The following GFPT2 variants were observed in gnomAD, a reference collection of about 807,000 sequenced individuals.
GFPT2 encodes glutamine--fructose-6-phosphate aminotransferase [isomerizing] 2.
A neutral mutation model predicts 85.6 loss-of-function variants in GFPT2; 62 were observed. That is an observed-to-expected ratio of 0.72 (90% CI 0.59 to 0.90). GFPT2 has a LOEUF of 0.90. Ranked by LOEUF, GFPT2 falls within the 40% of genes least tolerant of loss-of-function variation. The pLI is 0.00. For missense variants in GFPT2, 788 were observed against 893.4 expected, an observed-to-expected ratio of 0.88 and a Z score of 1.50; for synonymous variants, 368 against 344.5, an observed-to-expected ratio of 1.07 and a Z score of -0.75.
In GFPT2 at chr5:180,302,457, A is replaced by G; in HGVS notation, c.1970T>C (p.Leu657Pro). 2 of 1,614,116 alleles carry G rather than the reference A, an allele frequency of 1.2e-6. No homozygotes were observed. The highest frequency in any genetic ancestry group is 1.7e-4 in the Middle Eastern group (1 of 6,058). The change falls in exon 18 of 19, where the codon CTG becomes CCG. Residue 657 changes from leucine to proline, a missense_variant. By Grantham distance (98) the Leu-to-Pro change is moderately conservative. Coordinates refer to ENST00000253778, the MANE Select transcript of GFPT2 (RefSeq NM_005110.4). The part of the protein sequence containing the change: ...GILSVIPLQL[L>P]SFHLAVLRGY... ...TCGGAGAACAGCCAGGTGGAAGGAC[A>G]GCAGCTGCAGCGGAATCACGCTCAG...
At chr5:180,341,019 T>C (rs184682543) in intron 1 of GFPT2, among the ~76,000 whole-genome samples, 1 of 152,174 alleles carries the variant, frequency 6.6e-6, no homozygotes, top group East Asian at 1.9e-4. Context: ...GGGCCACCAG[T>C]TCCCACAGGG....
At chr5:180,352,342 A>AAAG (rs1561886889) in intron 1 of GFPT2, 4 of 218,496 alleles carry the variant, frequency 1.8e-5, no homozygotes, top group South Asian at 3.9e-5. Flanking sequence ...ACTCAAGGAA[A>AAAG]AAAAAAAAAA....
At chr5:180,307,061 G>C (rs1763794570) in intron 16 of GFPT2, 115 bp downstream of exon 16, 2 of 789,746 alleles carry the variant, frequency 2.5e-6, no homozygotes, top group Non-Finnish European at 4.1e-6. Flanking sequence ...ACTGGCCAAG[G>C]GGTCCTTAGG....
rs1264515084 is a variant in GFPT2 at position 180,338,606 on chromosome 5, C to A, written c.8-6G>T. The A allele has an allele frequency of 6.5e-7, 1 of 1,542,928 alleles. No individual in the cohort carries two copies. Among genetic ancestry groups the A allele is most frequent in the South Asian group, 1.1e-5 (1 of 87,998 alleles). ...GTTCATGTAGGCAAAGATTCCTGTTCAAAGAGAAAAAAATGGTGCATTCAT... is the reference window on the plus strand; with the variant it reads ...GTTCATGTAGGCAAAGATTCCTGTTAAAAGAGAAAAAAATGGTGCATTCAT... On this transcript the variant is annotated splice_region_variant and splice_polypyrimidine_tract_variant and intron_variant, in intron 1 of 18. Transcript: ENST00000253778.
chr5:180,331,278 C>T, intron 5 of GFPT2: 1 of 569,438 alleles, frequency 1.8e-6, no homozygotes, highest in East Asian at 2.9e-5. Flanking sequence ...CTGCAGTGGC[C>T]CTTGAGATAA....
intron 12 of GFPT2, 151 bp from the exon 13 acceptor site, chr5:180,316,612 T>C: frequency 1.1e-6 from 1 of 941,102 alleles, no homozygotes; most frequent in Non-Finnish European, 1.6e-6. Context: ...ACCTCGAAGA[T>C]AAAAGGGCTC....
chr5:180,333,094 T>G (rs1011370129), intron 4 of GFPT2, among the ~76,000 whole-genome samples: 11 of 152,152 alleles, frequency 7.2e-5, no homozygotes, highest in African/African-American at 2.2e-4. Context: ...TTTTATGTAT[T>G]TATTTATTTA....
rs367562528 is a variant in GFPT2 at position 180,338,497 on chromosome 5, C to T, written c.111G>A (p.Ser37=). 1.9e-5 allele frequency: 30 copies of T among 1,592,194 alleles called. No homozygotes were observed. Among genetic ancestry groups the T allele is most frequent in the East Asian group, 1.3e-4 (6 of 44,714 alleles). The change falls in exon 2 of 19, where the codon TCG becomes TCA. Residue 37 remains serine (S), a synonymous_variant. Coordinates refer to ENST00000253778, the MANE Select transcript of GFPT2 (RefSeq NM_005110.4). ...GGCGGGCGGCCGCACACCCACCTGC[C>T]GAGTCGTAGCCTCTGTACTCCAGCC... ...LQRLEYRGYD[S]AGVAIDGNNH...
At chr5:180,346,515 C>T (rs779483202) in intron 1 of GFPT2, among the ~76,000 whole-genome samples, 3 of 152,220 alleles carry the variant, frequency 2.0e-5, no homozygotes, top group Non-Finnish European at 4.4e-5. Flanking sequence ...GTTCCAGCTA[C>T]ATCCCTCTCT....
At chr5:180,316,216 A>T in intron 13 of GFPT2, 125 bp downstream of exon 13, 1 of 924,610 alleles carries the variant, frequency 1.1e-6, no homozygotes, top group Non-Finnish European at 1.6e-6. Context: ...GGGTTAAATG[A>T]CCGCTGCAAG....
rs535030517 is a variant in GFPT2, at chr5:180,303,220, A to G, written c.1843-636T>C. 2.1e-3 allele frequency among the ~76,000 whole-genome samples: 281 copies of G among 133,220 alleles called. 1 individual carries two copies. The highest frequency in any genetic ancestry group is 8.9e-3 in the African/African-American group (271 of 30,420). 87.4% of individuals were successfully genotyped at this position (133,220 alleles called of 152,430 possible). A position where few individuals can be genotyped will look rare whatever the true frequency, so the allele number is the denominator to read the frequency against. ...ACTCCAGCCTGGGCGACAGAGCCAGACTCCGTCACAAAAAAAAAAAAAAAA... is the reference window on the plus strand; with the variant it reads ...ACTCCAGCCTGGGCGACAGAGCCAGGCTCCGTCACAAAAAAAAAAAAAAAA... On this transcript the variant is annotated intron_variant, in intron 17 of 18. Coordinates refer to ENST00000253778, the MANE Select transcript of GFPT2 (RefSeq NM_005110.4).
At chr5:180,352,676 G>A in intron 1 of GFPT2, 1 of 437,612 alleles carries the variant, frequency 2.3e-6, no homozygotes, top group Non-Finnish European at 4.5e-6. Flanking sequence ...CGAGGAGGAC[G>A]CGCAGGCCCT....
intron 1 of GFPT2, chr5:180,352,941 G>A (rs2127659947): frequency 2.3e-6 from 1 of 428,530 alleles, no homozygotes; most frequent in Non-Finnish European, 4.1e-6. Context: ...TCCCCTCCGT[G>A]GGGACCGGGC....
At chr5:180,346,185 T>C (rs1764604498) in intron 1 of GFPT2, among the ~76,000 whole-genome samples, 1 of 152,074 alleles carries the variant, frequency 6.6e-6, no homozygotes, top group South Asian at 2.1e-4. Flanking sequence ...TTCCCAGGGA[T>C]AGAGATGGCA....
rs757690199 is a variant in GFPT2, at chr5:180,316,441, T to C, written c.1173A>G (p.Glu391=). The C allele has an allele frequency of 6.2e-7, 1 of 1,613,908 alleles. No homozygotes were observed. The highest frequency in any genetic ancestry group is 1.3e-5 in the African/African-American group (1 of 74,894). The stretch of plus-strand genomic sequence containing the variant: ...CAACCATCACAGGAAGCTCAGTCAG[T>C]TCCTCCAAAACTTGCCGCGTCTGAA... The part of the protein sequence containing the change: ...AAVATRQVLE[E]LTELPVMVEL... Residue 391 remains glutamate, a synonymous_variant, in exon 13 of 19, where the codon GAA becomes GAG. Transcript: ENST00000253778.
chr5:180,345,599 GCTTC>G (rs1397842667), intron 1 of GFPT2, among the ~76,000 whole-genome samples: 1 of 152,252 alleles, frequency 6.6e-6, no homozygotes, highest in Non-Finnish European at 1.5e-5. Flanking sequence ...CGCTGCACTT[GCTTC>G]CTTGTCTTTT....
At chr5:180,312,649 C>T (rs1433954599) in intron 14 of GFPT2, 105 bp from the exon 15 acceptor site, 16 of 657,166 alleles carry the variant, frequency 2.4e-5, no homozygotes, top group South Asian at 7.2e-5. Flanking sequence ...AGTGCAGTGG[C>T]GAGATCACGG....
chr5:180,335,279 G>A (rs1764373156), intron 4 of GFPT2, among the ~76,000 whole-genome samples: 1 of 152,208 alleles, frequency 6.6e-6, no homozygotes, highest in Admixed American at 6.5e-5. Context: ...CTGGGCTTCG[G>A]GCTGCGGCCC....
intron 1 of GFPT2, among the ~76,000 whole-genome samples, chr5:180,339,472 G>T (rs1000774129): frequency 1.3e-5 from 2 of 151,524 alleles, no homozygotes; most frequent in African/African-American, 4.9e-5. Flanking sequence ...TTATGTTCAA[G>T]GTAGGCCTAT....
Sources: gnomAD v4.1 joint callset for allele counts (sites outside exome capture counted in the v4.1 genomes callset) on GRCh38, gnomAD v4.1.1 for gene constraint, MANE v1.5 for transcripts, NCBI Gene and HGNC (gene_info 2026-07-23, HGNC 2026-07-21) for gene names.